Variants in ARL15 observed in about 807,000 individuals in gnomAD.
ARL15 encodes the protein ARF like GTPase 15.
Under a neutral mutation model 25.2 loss-of-function variants are expected in ARL15, and 19 were observed. That is an observed-to-expected ratio of 0.75 (90% confidence interval 0.53 to 1.10). The LOEUF is 1.10. ARL15 is among the 50% of genes least tolerant of loss of function. The pLI is 0.00. For synonymous variants in ARL15, 94 were observed against 86.8 expected (o/e 1.08, Z -0.46); for missense variants, 220 against 246.0 (o/e 0.89, Z 0.71).
At chr5:54,071,950 T>C (rs276155) in intron 4 of ARL15, among the ~76,000 whole-genome samples, 74,092 of 144,330 alleles carry the variant, frequency 0.51, 20,884 homozygotes, top group Non-Finnish European at 0.63. Context: ...GCCAGCCTGG[T>C]GACAGAGCGA....
At chr5:53,893,784 G>A (rs1049705969) in intron 4 of ARL15, among the ~76,000 whole-genome samples, 3 of 152,144 alleles carry the variant, frequency 2.0e-5, no homozygotes, top group Non-Finnish European at 4.4e-5. Context: ...CCATGCCCAC[G>A]CCATGGCTCC....
intron 1 of ARL15, among the ~76,000 whole-genome samples, chr5:54,182,671 T>C (rs1273703098): frequency 3.3e-5 from 5 of 151,514 alleles, no homozygotes. Flanking sequence ...AGTAGTTTTT[T>C]CCAATTCTGT....
At chr5:53,944,705 T>G (rs972961189) in intron 4 of ARL15, among the ~76,000 whole-genome samples, 2 of 152,236 alleles carry the variant, frequency 1.3e-5, no homozygotes, top group Non-Finnish European at 2.9e-5. Flanking sequence ...TTCCTTGATT[T>G]CTTTGCTAAT....
At chr5:54,000,437 G>A (rs1053288676) in intron 4 of ARL15, among the ~76,000 whole-genome samples, 1 of 152,184 alleles carries the variant, frequency 6.6e-6, no homozygotes, top group Non-Finnish European at 1.5e-5. Context: ...AAATTATACT[G>A]AGTGAGGCAA....
chr5:54,014,044 A>C lies in ARL15; in HGVS notation c.462+99158T>G, dbSNP rs562393025. ...CCATTAGGTGATTACAAAATCTGAA[A>C]TATTTCAAAATCTGAAACTTTTTGA... On this transcript the variant is annotated intron_variant, in intron 4 of 4. Transcript: ENST00000504924. Among the ~76,000 whole-genome samples the C allele has an allele frequency of 2.6e-5, 4 of 152,348 alleles. No individual in the cohort carries two copies. In the South Asian group the frequency reaches 6.2e-4, roughly 24 times the overall value.
intron 1 of ARL15, among the ~76,000 whole-genome samples, chr5:54,263,126 A>G (rs1433314150): frequency 6.6e-6 from 1 of 151,306 alleles, no homozygotes; most frequent in African/African-American, 2.5e-5. Context: ...TCTTTATGGC[A>G]CAATATTTTA....
At chr5:54,200,534 G>C (rs1260761852) in intron 1 of ARL15, among the ~76,000 whole-genome samples, 1 of 151,142 alleles carries the variant, frequency 6.6e-6, no homozygotes, top group Admixed American at 6.6e-5. Flanking sequence ...AACAACAAGT[G>C]TTTACAAACC....
At chr5:54,071,788 G>A (rs949889218) in intron 4 of ARL15, among the ~76,000 whole-genome samples, 3 of 151,848 alleles carry the variant, frequency 2.0e-5, no homozygotes, top group African/African-American at 4.8e-5. Context: ...TGGCTAACAC[G>A]GTGAAACCCC....
chr5:53,929,364 A>C (rs1450378952), intron 4 of ARL15, among the ~76,000 whole-genome samples: 3 of 152,144 alleles, frequency 2.0e-5, no homozygotes, highest in Non-Finnish European at 4.4e-5. Context: ...TACAACCCGA[A>C]TATGCATTTC....
At chr5:54,258,401 G>C (rs974452982) in intron 1 of ARL15, among the ~76,000 whole-genome samples, 1 of 152,074 alleles carries the variant, frequency 6.6e-6, no homozygotes, top group Non-Finnish European at 1.5e-5. Flanking sequence ...CATTATTCAC[G>C]AGCTATGTCT....
intron 4 of ARL15, chr5:53,951,363 C>T (rs1406490587): frequency 5.3e-6 from 2 of 376,974 alleles, no homozygotes; most frequent in Non-Finnish European, 1.1e-5. Context: ...CTGAGCTAAG[C>T]TTTTGTAGAA....
chr5:54,204,213 A>G (rs953156982), intron 1 of ARL15, among the ~76,000 whole-genome samples: 4 of 152,192 alleles, frequency 2.6e-5, no homozygotes, highest in African/African-American at 9.7e-5. Context: ...TATATTAATA[A>G]CAGTGAGGGT....
intron 4 of ARL15, among the ~76,000 whole-genome samples, chr5:54,088,969 C>T (rs1269327359): frequency 1.3e-5 from 2 of 152,072 alleles, no homozygotes; most frequent in East Asian, 3.9e-4. Flanking sequence ...CAAAGTGCAA[C>T]AAATCTCACT....
chr5:54,294,325 A>T (rs1758413811), intron 1 of ARL15, among the ~76,000 whole-genome samples: 1 of 152,202 alleles, frequency 6.6e-6, no homozygotes, highest in Non-Finnish European at 1.5e-5. Context: ...CTTTCAAACT[A>T]CTAAGGTGGA....
chr5:54,221,421 C>T, intron 1 of ARL15, among the ~76,000 whole-genome samples: 1 of 152,158 alleles, frequency 6.6e-6, no homozygotes, highest in East Asian at 1.9e-4. Context: ...TTAAATGAAA[C>T]ACAAACTCCA....
At chr5:54,059,205 A>T (rs553175870) in intron 4 of ARL15, among the ~76,000 whole-genome samples, 1 of 152,342 alleles carries the variant, frequency 6.6e-6, no homozygotes, top group Admixed American at 6.5e-5. Flanking sequence ...CACAGGAATT[A>T]AGTCAGCCAA....
chr5:54,248,488 T>A (rs1757152202), intron 1 of ARL15, among the ~76,000 whole-genome samples: 1 of 152,136 alleles, frequency 6.6e-6, no homozygotes, highest in South Asian at 2.1e-4. Flanking sequence ...ACTGTCTGCA[T>A]GGCTTACTCC....
chr5:53,982,176 TTTTTTTTTCTTTTC>T (rs971079607), intron 4 of ARL15, among the ~76,000 whole-genome samples: 2 of 127,832 alleles, frequency 1.6e-5, no homozygotes, highest in Non-Finnish European at 3.6e-5. Context: ...AACATTCTTT[TTTTTTTTTCTTTTC>T]TTTTTTTATA....
At chr5:54,246,797 TAC>T (rs61025147) in intron 1 of ARL15, among the ~76,000 whole-genome samples, 13,318 of 138,668 alleles carry the variant, frequency 0.096, 683 homozygotes, top group African/African-American at 0.13. Context: ...AAAGCATGCA[TAC>T]ACACACACAC....
Sources: gnomAD v4.1 joint callset for allele counts (sites outside exome capture counted in the v4.1 genomes callset) on GRCh38, gnomAD v4.1.1 for gene constraint, MANE v1.5 for transcripts, NCBI Gene and HGNC (gene_info 2026-07-23, HGNC 2026-07-21) for gene names.